The following THSD7A variants were observed in gnomAD, a reference collection of about 807,000 sequenced individuals.
The protein encoded by THSD7A is thrombospondin type-1 domain-containing protein 7A.
A neutral mutation model predicts 231.3 loss-of-function variants in THSD7A; 96 were observed. The ratio of observed to expected loss-of-function variants is 0.41; its 90% CI spans 0.35 to 0.49. THSD7A has a LOEUF of 0.49. Among genes scored for constraint, THSD7A ranks in the 20% least tolerant of loss-of-function variants. The pLI, the probability that THSD7A is intolerant of heterozygous loss-of-function variation, is 0.05. For missense variants in THSD7A, 2,290 were observed against 2,070.2 expected, an observed-to-expected ratio of 1.11 and a Z score of -2.06; for synonymous variants, 940 against 743.3, an observed-to-expected ratio of 1.26 and a Z score of -4.30.
Position 11,481,814 on chromosome 7 carries a change from G to C in THSD7A, c.1991C>G (p.Ser664Cys). The change falls in exon 7 of 28, where the codon TCC (serine) becomes TGC (cysteine). Residue 664 changes from serine to cysteine, a missense_variant. By Grantham distance (112) the Ser-to-Cys change is moderately radical. Transcript: ENST00000423059. ...TTEGKQIRARSILAYAGEEGG... is the reference protein window; with the variant it reads ...TTEGKQIRARCILAYAGEEGG... ...TTCTTCACCCGCATAGGCCAGAATG[G>C]ATCGTGCTCGTATCTGTTTCCCTTC... The C allele has an allele frequency of 6.2e-7, 1 of 1,613,414 alleles. No homozygotes were observed. The highest frequency in any genetic ancestry group is 2.2e-5 in the East Asian group (1 of 44,840).
intron 1 of THSD7A, among the ~76,000 whole-genome samples, chr7:11,642,738 A>G (rs1782130777): frequency 6.6e-6 from 1 of 152,140 alleles, no homozygotes; most frequent in Non-Finnish European, 1.5e-5. Flanking sequence ...TCCTTAGGCT[A>G]GTGCTTTAAG....
At chr7:11,591,963 G>A (rs1169160798) in intron 3 of THSD7A, among the ~76,000 whole-genome samples, 4 of 152,204 alleles carry the variant, frequency 2.6e-5, no homozygotes, top group Non-Finnish European at 4.4e-5. Context: ...AAAAGGGCAT[G>A]GAGAAAGATA....
Position 11,374,645 on chromosome 7 carries a change from A to T in THSD7A, c.*1149T>A, listed in dbSNP as rs1264569617. 1 of 151,928 alleles carries T rather than the reference A, an allele frequency of 6.6e-6. No homozygotes were observed. The highest frequency in any genetic ancestry group is 1.5e-5 in the Non-Finnish European group (1 of 67,960). The allele number at this position is 151,928 out of a possible 1,614,324, so 9.4% of individuals were successfully genotyped here. Reference sequence around the variant, plus strand: ...TTTTTCTTTTTTTTTCTTAACAAAGATAACAAATATAAAAATCTAGTCATA... The same window carrying T: ...TTTTTCTTTTTTTTTCTTAACAAAGTTAACAAATATAAAAATCTAGTCATA... On this transcript the variant is annotated 3_prime_UTR_variant, in exon 28 of 28. Transcript: ENST00000423059.
intron 13 of THSD7A, among the ~76,000 whole-genome samples, chr7:11,438,516 T>C (rs1784702634): frequency 6.6e-6 from 1 of 151,980 alleles, no homozygotes; most frequent in Non-Finnish European, 1.5e-5. Context: ...GAAAGTCCTC[T>C]GTAATATCAT....
At chr7:11,648,996 T>C (rs1782391610) in intron 1 of THSD7A, among the ~76,000 whole-genome samples, 1 of 152,036 alleles carries the variant, frequency 6.6e-6, no homozygotes, top group South Asian at 2.1e-4. Flanking sequence ...CTTTCTGCTG[T>C]TCATGCCTTT....
intron 1 of THSD7A, among the ~76,000 whole-genome samples, chr7:11,827,619 C>G (rs1046049462): frequency 7.9e-5 from 12 of 152,034 alleles, no homozygotes; most frequent in African/African-American, 2.9e-4. Context: ...AATATCCTGG[C>G]TCTTCTTTTC....
chr7:11,641,795 C>T (rs906083261), intron 1 of THSD7A, among the ~76,000 whole-genome samples: 4 of 151,920 alleles, frequency 2.6e-5, no homozygotes, highest in Non-Finnish European at 4.4e-5. Flanking sequence ...ATAAACCCAT[C>T]GTCCACCTTG....
intron 1 of THSD7A, among the ~76,000 whole-genome samples, chr7:11,712,578 G>A (rs1584248345): frequency 6.6e-6 from 1 of 150,980 alleles, no homozygotes; most frequent in Non-Finnish European, 1.5e-5. Flanking sequence ...TCAGTAATAA[G>A]TTTCATTTCT....
chr7:11,470,944 T>A (rs1422886548), intron 8 of THSD7A, among the ~76,000 whole-genome samples: 1 of 151,938 alleles, frequency 6.6e-6, no homozygotes, highest in African/African-American at 2.4e-5. Flanking sequence ...ATATACTGTC[T>A]TATTCAAAAT....
intron 2 of THSD7A, among the ~76,000 whole-genome samples, chr7:11,602,239 T>G (rs1168757155): frequency 6.6e-6 from 1 of 152,088 alleles, no homozygotes; most frequent in East Asian, 1.9e-4. Flanking sequence ...TAAAGAAAAA[T>G]ATGATATTAT....
chr7:11,492,739 T>G (rs1167121565), intron 6 of THSD7A, among the ~76,000 whole-genome samples: 1 of 152,068 alleles, frequency 6.6e-6, no homozygotes, highest in Non-Finnish European at 1.5e-5. Flanking sequence ...TGGGAAGGCT[T>G]TGAAGCAGAA....
chr7:11,473,768 G>A (rs576428654), intron 8 of THSD7A, among the ~76,000 whole-genome samples: 1 of 152,090 alleles, frequency 6.6e-6, no homozygotes, highest in African/African-American at 2.4e-5. Flanking sequence ...CTGAGAAAAT[G>A]ATAGTTTTTC....
intron 6 of THSD7A, among the ~76,000 whole-genome samples, chr7:11,509,207 G>A (rs1787686743): frequency 6.6e-6 from 1 of 151,644 alleles, no homozygotes; most frequent in Non-Finnish European, 1.5e-5. Flanking sequence ...TATTCCACTG[G>A]GAACAAAACA....
intron 1 of THSD7A, among the ~76,000 whole-genome samples, chr7:11,800,931 T>C (rs1784256600): frequency 6.6e-6 from 1 of 152,068 alleles, no homozygotes; most frequent in Non-Finnish European, 1.5e-5. Flanking sequence ...AAGAAATTTC[T>C]GGAGGTGCTG....
chr7:11,479,954 C>G (rs1786354543), intron 7 of THSD7A, among the ~76,000 whole-genome samples: 6 of 152,072 alleles, frequency 3.9e-5, no homozygotes, highest in Admixed American at 3.9e-4. Context: ...TGATAAATGT[C>G]TGAGGTGATA....
rs551675244 is a variant in THSD7A, at chr7:11,735,677, G to A, written c.190+96080C>T. 2.6e-4 allele frequency among the ~76,000 whole-genome samples: 40 copies of A among 151,954 alleles called. 2 individuals carry two copies. Among genetic ancestry groups the A allele is most frequent in the Middle Eastern group, 6.8e-3 (2 of 294 alleles). On this transcript the variant is annotated intron_variant, in intron 1 of 27. Transcript: ENST00000423059. Reference sequence around the variant, plus strand: ...TCAAGCACAAGTTTTATGAACTAGAGCCTCAAAACTACTTTCTGTTTCATC... The same window carrying A: ...TCAAGCACAAGTTTTATGAACTAGAACCTCAAAACTACTTTCTGTTTCATC...
chr7:11,585,307 T>A (rs962331680), intron 4 of THSD7A, among the ~76,000 whole-genome samples: 1 of 152,156 alleles, frequency 6.6e-6, no homozygotes, highest in Non-Finnish European at 1.5e-5. Flanking sequence ...AGTAATTTCA[T>A]AGGGTAAAAG....
intron 4 of THSD7A, among the ~76,000 whole-genome samples, chr7:11,567,384 G>A (rs562470787): frequency 2.0e-5 from 3 of 152,104 alleles, no homozygotes; most frequent in African/African-American, 7.2e-5. Flanking sequence ...AAAAACCGCC[G>A]TCATGATTCA....
At chr7:11,582,936 T>TA (rs1483806500) in intron 4 of THSD7A, among the ~76,000 whole-genome samples, 1 of 151,154 alleles carries the variant, frequency 6.6e-6, no homozygotes, top group East Asian at 1.9e-4. Context: ...TGTTTTTTTT[T>TA]ACCACTTCTG....
Sources: gnomAD v4.1 joint callset for allele counts (sites outside exome capture counted in the v4.1 genomes callset) on GRCh38, gnomAD v4.1.1 for gene constraint, MANE v1.5 for transcripts, NCBI Gene and HGNC (gene_info 2026-07-23, HGNC 2026-07-21) for gene names.